ROBO2: variants seen among roughly 807,000 people sequenced by gnomAD.
The protein encoded by ROBO2 is roundabout guidance receptor 2.
Under a neutral mutation model 160.8 loss-of-function variants are expected in ROBO2, and 53 were observed. The ratio of observed to expected loss-of-function variants is 0.33; its 90% CI spans 0.26 to 0.41. The LOEUF (loss-of-function observed/expected upper bound fraction) is 0.41, where lower values mean the gene tolerates loss of function less well. Ranked by LOEUF, ROBO2 falls within the 10% of genes least tolerant of loss-of-function variation. The pLI is 1.00. For synonymous variants in ROBO2, 664 were observed against 611.7 expected (o/e 1.09, Z -1.26); for missense variants, 1,577 against 1,722.4 (o/e 0.92, Z 1.49).
intron 2 of ROBO2, among the ~76,000 whole-genome samples, chr3:76,643,889 G>GA (rs950746598): frequency 1.3e-4 from 19 of 146,874 alleles, no homozygotes; most frequent in South Asian, 8.6e-4. Flanking sequence ...CACACTTGGA[G>GA]AAAAAAAAAA....
intron 2 of ROBO2, among the ~76,000 whole-genome samples, chr3:76,234,012 C>T (rs926090436): frequency 6.6e-6 from 1 of 152,086 alleles, no homozygotes; most frequent in Non-Finnish European, 1.5e-5. Context: ...CTGTTGTTTC[C>T]TTCTTTGTGT....
intron 2 of ROBO2, among the ~76,000 whole-genome samples, chr3:76,227,395 G>A (rs1704354833): frequency 6.6e-6 from 1 of 151,994 alleles, no homozygotes; most frequent in Non-Finnish European, 1.5e-5. Context: ...AAAAATGATT[G>A]TCTCTTTTTA....
chr3:76,011,006 A>G (rs2107611184), intron 2 of ROBO2, among the ~76,000 whole-genome samples: 1 of 152,366 alleles, frequency 6.6e-6, no homozygotes, highest in South Asian at 2.1e-4. Flanking sequence ...GTAACCAGAT[A>G]GCTTAACTTC....
rs550418256 is a variant in ROBO2 at position 77,096,930 on chromosome 3, G to T, written c.62-1084G>T. ...CTAAACCATCATTTCCCAAAGTCAG[G>T]TTCTTTTTATTTTTCTCTTGAACTA... On this transcript the variant is annotated intron_variant, in intron 1 of 25. Transcript: ENST00000461745. Among the ~76,000 whole-genome samples the T allele has an allele frequency of 2.0e-4, 31 of 152,220 alleles. No homozygotes were observed. In the South Asian group the frequency reaches 4.6e-3, roughly 22 times the overall value.
At chr3:75,944,323 A>G (rs2107117713) in intron 2 of ROBO2, among the ~76,000 whole-genome samples, 1 of 152,300 alleles carries the variant, frequency 6.6e-6, no homozygotes, top group Non-Finnish European at 1.5e-5. Context: ...ACTGGATGGC[A>G]CAGATCTTGG....
intron 2 of ROBO2, among the ~76,000 whole-genome samples, chr3:77,033,197 A>G (rs1473157785): frequency 1.3e-5 from 2 of 152,200 alleles, no homozygotes; most frequent in African/African-American, 4.8e-5. Context: ...TCAGAGCTCT[A>G]TCTCAGTATT....
chr3:76,586,794 G>T lies in ROBO2; in HGVS notation c.110-511220G>T, dbSNP rs571246164. Reference sequence around the variant, plus strand: ...ATGAGGTTTTACTTTAAGCTAAAGTGCACTAATTAAAAAAGGAGTACTGAT... The same window carrying T: ...ATGAGGTTTTACTTTAAGCTAAAGTTCACTAATTAAAAAAGGAGTACTGAT... On this transcript the variant is annotated intron_variant, in intron 2 of 26. Coordinates refer to the ROBO2 transcript ENST00000487694. Among the ~76,000 whole-genome samples the T allele has an allele frequency of 9.9e-5, 15 of 152,278 alleles. No individual in the cohort carries two copies. In the South Asian group the frequency reaches 2.9e-3, roughly 29 times the overall value.
At chr3:77,057,528 T>G (rs2149737282) in intron 1 of ROBO2, among the ~76,000 whole-genome samples, 1 of 151,868 alleles carries the variant, frequency 6.6e-6, no homozygotes, top group Middle Eastern at 3.5e-3. Flanking sequence ...TTTTGTGAGT[T>G]AATTACTAAT....
intron 2 of ROBO2, among the ~76,000 whole-genome samples, chr3:76,446,496 C>T (rs1002520658): frequency 6.6e-6 from 1 of 152,148 alleles, no homozygotes; most frequent in African/African-American, 2.4e-5. Flanking sequence ...ATGCCATCCC[C>T]ATCAAGCTAC....
intron 23 of ROBO2, among the ~76,000 whole-genome samples, chr3:77,626,785 A>T (rs1185490259): frequency 6.6e-6 from 1 of 152,206 alleles, no homozygotes; most frequent in Non-Finnish European, 1.5e-5. Context: ...CAGTGAAACA[A>T]GTAAAAAGTT....
Position 76,827,962 on chromosome 3 carries a change from A to T in ROBO2, c.110-270052A>T, listed in dbSNP as rs187902031. 5.9e-5 allele frequency among the ~76,000 whole-genome samples: 9 copies of T among 152,272 alleles called. No individual in the cohort carries two copies. The East Asian group carries it at 1.7e-3, about 29-fold the overall frequency. ...GAAATCAGACTTATTTATTGAAGAA[A>T]ATAATAATAAACTGTGAGTTAAGGG... On this transcript the variant is annotated intron_variant, in intron 2 of 26. Transcript: ENST00000487694.
At chr3:75,950,579 C>T (rs1210398395) in intron 2 of ROBO2, among the ~76,000 whole-genome samples, 1 of 78,728 alleles carries the variant, frequency 1.3e-5, no homozygotes, top group Admixed American at 1.4e-4. Context: ...ATGTTTAGAA[C>T]TGAGTACAGC....
chr3:76,962,678 G>A (rs1451966649), intron 2 of ROBO2, among the ~76,000 whole-genome samples: 2 of 148,576 alleles, frequency 1.3e-5, no homozygotes, highest in African/African-American at 5.0e-5. Context: ...ATGGTGACAT[G>A]CACCTGTGGT....
intron 2 of ROBO2, among the ~76,000 whole-genome samples, chr3:76,968,857 T>C (rs1259757271): frequency 1.3e-5 from 2 of 152,200 alleles, no homozygotes. Flanking sequence ...TTTTTGGATG[T>C]TCCTTCAGAC....
intron 6 of ROBO2, among the ~76,000 whole-genome samples, chr3:77,527,163 T>C (rs2091244661): frequency 1.3e-4 from 19 of 151,408 alleles, no homozygotes; most frequent in Admixed American, 1.2e-3. Flanking sequence ...AGACTTTACC[T>C]AAAATATCTC....
chr3:76,354,199 A>T (rs2075032846), intron 2 of ROBO2, among the ~76,000 whole-genome samples: 1 of 152,126 alleles, frequency 6.6e-6, no homozygotes, highest in African/African-American at 2.4e-5. Context: ...TGAGCAGTTC[A>T]TATATGTTAA....
At chr3:76,031,850 G>T (rs910241312) in intron 2 of ROBO2, among the ~76,000 whole-genome samples, 9 of 152,004 alleles carry the variant, frequency 5.9e-5, no homozygotes, top group Non-Finnish European at 1.0e-4. Context: ...TTTCTGCCAG[G>T]CTTTGGTATC....
intron 2 of ROBO2, among the ~76,000 whole-genome samples, chr3:77,378,290 T>C (rs936747216): frequency 1.2e-4 from 19 of 152,154 alleles, no homozygotes; most frequent in African/African-American, 4.6e-4. Context: ...CAGGTACTAT[T>C]TTAAGAGCCC....
chr3:76,631,376 C>A (rs114379244), intron 2 of ROBO2, among the ~76,000 whole-genome samples: 2 of 151,894 alleles, frequency 1.3e-5, no homozygotes, highest in African/African-American at 4.8e-5. Flanking sequence ...TAAAGATTCC[C>A]TTGCTTGGAC....
Sources: gnomAD v4.1 joint callset for allele counts (sites outside exome capture counted in the v4.1 genomes callset) on GRCh38, gnomAD v4.1.1 for gene constraint, MANE v1.5 for transcripts, NCBI Gene and HGNC (gene_info 2026-07-23, HGNC 2026-07-21) for gene names.